MTRES1: variants seen among roughly 807,000 people sequenced by gnomAD.
The protein encoded by MTRES1 is mitochondrial transcription rescue factor 1.
Under a neutral mutation model 17.4 loss-of-function variants are expected in MTRES1, and 11 were observed. The observed-to-expected ratio is 0.63, with a 90% CI of 0.40 to 1.05. MTRES1 has a LOEUF of 1.05. Among genes scored for constraint, MTRES1 ranks in the 50% least tolerant of loss-of-function variants. MTRES1 has a pLI of 0.00. For missense variants in MTRES1, 268 were observed against 276.2 expected, an observed-to-expected ratio of 0.97 and a Z score of 0.21; for synonymous variants, 94 against 99.6, an observed-to-expected ratio of 0.94 and a Z score of 0.34.
intron 3 of MTRES1, among the ~76,000 whole-genome samples, chr6:107,047,737 T>C (rs116922336): frequency 0.01 from 1,562 of 151,812 alleles, 15 homozygotes; most frequent in Middle Eastern, 0.071. Context: ...ATACAGAAAG[T>C]TACCCGGGCA....
At chr6:107,036,587 T>G (rs1774016782) in intron 1 of MTRES1, among the ~76,000 whole-genome samples, 1 of 151,952 alleles carries the variant, frequency 6.6e-6, no homozygotes, top group African/African-American at 2.4e-5. Context: ...CTCACGCCTC[T>G]AATCCCAGCA....
intron 3 of MTRES1, among the ~76,000 whole-genome samples, chr6:107,050,726 A>G (rs1554229090): frequency 6.6e-6 from 1 of 151,708 alleles, no homozygotes; most frequent in Admixed American, 6.6e-5. Context: ...ACAGGCACCC[A>G]CCACCACACA....
intron 1 of MTRES1, among the ~76,000 whole-genome samples, chr6:107,033,222 T>A (rs180779186): frequency 6.6e-6 from 1 of 152,204 alleles, no homozygotes; most frequent in East Asian, 1.9e-4. Flanking sequence ...GGGAGATAAT[T>A]TGTGACTTAA....
At position 107,040,036 on chromosome 6, in the gene MTRES1, A is replaced by G; in HGVS notation, c.276A>G (p.Lys92=). ...VRLKSNIRST[K]STKKSLQKVD... ...TCAAAAGTAATATAAGGTCTACAAA[A>G]TCTACTAAAAAGTCTCTGCAAAAAG... The change falls in exon 2 of 4, where the codon AAA becomes AAG. Residue 92 remains lysine, a synonymous_variant. Coordinates refer to ENST00000311381, the MANE Select transcript of MTRES1 (RefSeq NM_016487.5). The G allele has an allele frequency of 6.2e-7, 1 of 1,613,358 alleles. No homozygotes were observed. Among genetic ancestry groups the G allele is most frequent in the Non-Finnish European group, 8.5e-7 (1 of 1,179,816 alleles).
chr6:107,044,011 T>G (rs1582612553), intron 2 of MTRES1, among the ~76,000 whole-genome samples: 1 of 152,102 alleles, frequency 6.6e-6, no homozygotes, highest in Non-Finnish European at 1.5e-5. Flanking sequence ...TAGTCCCAGC[T>G]ACTGGGAGGC....
At chr6:107,032,260 A>G (rs1430580144) in intron 1 of MTRES1, among the ~76,000 whole-genome samples, 5 of 152,162 alleles carry the variant, frequency 3.3e-5, no homozygotes, top group Non-Finnish European at 5.9e-5. Flanking sequence ...ATTTCCTCAC[A>G]TATGCCAAGT....
chr6:107,035,158 A>T (rs1773967335), intron 1 of MTRES1, among the ~76,000 whole-genome samples: 1 of 150,974 alleles, frequency 6.6e-6, no homozygotes, highest in Admixed American at 6.6e-5. Flanking sequence ...TTTGAGATGG[A>T]GTTTCACTCT....
intron 3 of MTRES1, among the ~76,000 whole-genome samples, chr6:107,045,545 A>G (rs897391919): frequency 6.6e-6 from 1 of 152,056 alleles, no homozygotes; most frequent in Non-Finnish European, 1.5e-5. Context: ...ACGTATATAT[A>G]TACATCTGGA....
chr6:107,028,308 C>T (rs1408553174), intron 1 of MTRES1, 37 bp downstream of exon 1: 1 of 152,272 alleles, frequency 6.6e-6, no homozygotes, highest in Non-Finnish European at 1.5e-5. Context: ...CGCCGGGCCC[C>T]CTGCCCGCGC....
At position 107,051,174 on chromosome 6, in the gene MTRES1, TAC is replaced by T; in HGVS notation, c.663_664del (p.Tyr221Ter). 6.2e-7 allele frequency: 1 copy of T among 1,613,992 alleles called. No homozygotes were observed. ...VFEEKTESEK[Y>X]RVVLRRWKSL... ...TGAAGAGAAGACTGAAAGTGAAAAA[TAC>T]AGAGTGGTGTTACGGCGGTGGAAAA... is the stretch of plus-strand genomic sequence containing the variant. On this transcript the variant is annotated frameshift_variant, in exon 4 of 4. Transcript: ENST00000311381. LOFTEE classifies it high-confidence loss of function.
chr6:107,029,956 G>C (rs782203775), intron 1 of MTRES1: 11 of 649,412 alleles, frequency 1.7e-5, no homozygotes, highest in Non-Finnish European at 2.8e-5. Flanking sequence ...TTCCCCCAGT[G>C]CATTAACCAC....
chr6:107,031,813 C>T (rs1773854320), intron 1 of MTRES1, among the ~76,000 whole-genome samples: 1 of 152,056 alleles, frequency 6.6e-6, no homozygotes, highest in Non-Finnish European at 1.5e-5. Flanking sequence ...GTTGGTCAGG[C>T]TGGTCTCGAA....
At chr6:107,028,298 C>CTT (rs1773704630) in intron 1 of MTRES1, 27 bp downstream of exon 1, 1 of 152,294 alleles carries the variant, frequency 6.6e-6, no homozygotes. Context: ...TGGCGCGCCG[C>CTT]GCCGGGCCCC....
Position 107,046,930 on chromosome 6 carries a change from T to TTGTGTGTG in MTRES1, c.543+2638_543+2645dup, listed in dbSNP as rs67662472. On this transcript the variant is annotated intron_variant, in intron 3 of 3. Transcript: ENST00000311381. ...AAGGAAGCTCCAAAGGGATTCATTC[T>TTGTGTGTG]TGTGTGTGTGTGTGTGTGTGTGTGT... Among the ~76,000 whole-genome samples, 44 of 33,014 alleles carry TTGTGTGTG rather than the reference T, an allele frequency of 1.3e-3. 1 individual carries two copies. Among genetic ancestry groups the TTGTGTGTG allele is most frequent in the African/African-American group, 2.0e-3 (30 of 14,864 alleles). 21.7% of individuals were successfully genotyped at this position (33,014 alleles called of 152,430 possible). A position where few individuals can be genotyped will look rare whatever the true frequency, so the allele number is the denominator to read the frequency against.
At chr6:107,039,309 T>C (rs1774107994) in intron 1 of MTRES1, among the ~76,000 whole-genome samples, 1 of 151,936 alleles carries the variant, frequency 6.6e-6, no homozygotes, top group Admixed American at 6.6e-5. Context: ...TGTTTTTGTT[T>C]TTTTGTTTTT....
At chr6:107,037,686 A>G (rs899509285) in intron 1 of MTRES1, among the ~76,000 whole-genome samples, 5 of 152,112 alleles carry the variant, frequency 3.3e-5, no homozygotes, top group Non-Finnish European at 5.9e-5. Flanking sequence ...TCTAGTCATT[A>G]TTTTAGAGTA....
At chr6:107,033,509 C>T (rs1415187399) in intron 1 of MTRES1, among the ~76,000 whole-genome samples, 2 of 152,000 alleles carry the variant, frequency 1.3e-5, no homozygotes, top group African/African-American at 4.8e-5. Context: ...TCAGGGCTCC[C>T]CTGACCAGTT....
intron 1 of MTRES1, among the ~76,000 whole-genome samples, chr6:107,036,582 G>A (rs1465687091): frequency 6.6e-6 from 1 of 151,564 alleles, no homozygotes; most frequent in Non-Finnish European, 1.5e-5. Flanking sequence ...GGTGACTCAC[G>A]CCTCTAATCC....
intron 1 of MTRES1, among the ~76,000 whole-genome samples, chr6:107,038,490 C>T (rs1462754806): frequency 6.6e-6 from 1 of 152,124 alleles, no homozygotes; most frequent in Non-Finnish European, 1.5e-5. Context: ...GTTGCAGTTC[C>T]CTAGTTTGTG....
Sources: allele counts gnomAD v4.1 joint callset (sites outside exome capture counted in the v4.1 genomes callset), GRCh38; gene constraint gnomAD v4.1.1; transcripts MANE v1.5; gene names NCBI Gene and HGNC (gene_info 2026-07-23, HGNC 2026-07-21).